PTPRN2: variants seen among roughly 807,000 people sequenced by gnomAD.
PTPRN2 encodes receptor-type tyrosine-protein phosphatase N2.
In PTPRN2, 74 loss-of-function variants were observed where a neutral mutation model predicts 118.8. That is an observed-to-expected ratio of 0.62 (90% CI 0.52 to 0.76). The LOEUF is 0.76. Ranked by LOEUF, PTPRN2 falls within the 30% of genes least tolerant of loss-of-function variation. The pLI, the probability that PTPRN2 is intolerant of heterozygous loss-of-function variation, is 0.00. For synonymous variants in PTPRN2, 641 were observed against 608.0 expected (o/e 1.05, Z -0.80); for missense variants, 1,481 against 1,394.4 (o/e 1.06, Z -0.99).
intron 11 of PTPRN2, among the ~76,000 whole-genome samples, chr7:158,019,114 C>T (rs1165632151): frequency 6.6e-6 from 1 of 152,220 alleles, no homozygotes; most frequent in Admixed American, 6.5e-5. Context: ...CTGGATCCCC[C>T]ACGGAAGCAC....
intron 12 of PTPRN2, among the ~76,000 whole-genome samples, chr7:157,742,124 A>G (rs1800668294): frequency 6.6e-6 from 1 of 152,200 alleles, no homozygotes; most frequent in Non-Finnish European, 1.5e-5. Flanking sequence ...GCTTACAACT[A>G]GGCTTTTTCC....
intron 11 of PTPRN2, among the ~76,000 whole-genome samples, chr7:158,065,301 A>G (rs1170215097): frequency 6.6e-6 from 1 of 152,250 alleles, no homozygotes; most frequent in African/African-American, 2.4e-5. Flanking sequence ...AGTTTTCTCA[A>G]TGAGTTTCTT....
intron 2 of PTPRN2, among the ~76,000 whole-genome samples, chr7:158,326,987 A>T (rs1301295415): frequency 3.3e-5 from 5 of 151,232 alleles, no homozygotes; most frequent in Non-Finnish European, 7.4e-5. Flanking sequence ...GCACATACAC[A>T]TTCTCAGATG....
chr7:157,577,974 C>G (rs1458400459), intron 18 of PTPRN2, 47 bp downstream of exon 18: 1 of 1,525,664 alleles, frequency 6.6e-7, no homozygotes, highest in Non-Finnish European at 8.9e-7. Flanking sequence ...AGGGCCCGTC[C>G]TCGTCCGGCT....
At chr7:157,566,993 A>AC (rs1307889594) in intron 21 of PTPRN2, among the ~76,000 whole-genome samples, 11 of 152,252 alleles carry the variant, frequency 7.2e-5, no homozygotes, top group Non-Finnish European at 1.5e-4. Flanking sequence ...TTGGTCAGAA[A>AC]CACTTACATC....
intron 11 of PTPRN2, among the ~76,000 whole-genome samples, chr7:158,049,234 C>G (rs1226030525): frequency 1.8e-5 from 2 of 111,316 alleles, no homozygotes; most frequent in Non-Finnish European, 3.9e-5. Flanking sequence ...ATCAGCATCT[C>G]CATCTGACTG....
chr7:157,577,048 C>T (rs1426569306), intron 18 of PTPRN2, among the ~76,000 whole-genome samples: 1 of 152,188 alleles, frequency 6.6e-6, no homozygotes, highest in African/African-American at 2.4e-5. Context: ...AGGTTACAAT[C>T]CAAAACTATC....
intron 1 of PTPRN2, among the ~76,000 whole-genome samples, chr7:158,586,266 G>A (rs970270787): frequency 2.0e-5 from 3 of 152,248 alleles, no homozygotes; most frequent in Non-Finnish European, 2.9e-5. Context: ...TGAGGGAGGG[G>A]AGCGTCAACT....
chr7:158,277,654 C>A (rs549850276), intron 3 of PTPRN2, among the ~76,000 whole-genome samples: 13 of 152,314 alleles, frequency 8.5e-5, no homozygotes, highest in Admixed American at 8.5e-4. Flanking sequence ...GGGGCTGGGA[C>A]ATATAGCTCT....
chr7:158,482,436 A>G (rs1820710340), intron 2 of PTPRN2, among the ~76,000 whole-genome samples: 1 of 152,248 alleles, frequency 6.6e-6, no homozygotes, highest in African/African-American at 2.4e-5. Flanking sequence ...GCCCTGATCA[A>G]TCAGCAGCCA....
At position 157,556,271 on chromosome 7, in the gene PTPRN2, T is replaced by C. The variant is rs547607867; in HGVS notation, c.2903-7252A>G. Among the ~76,000 whole-genome samples, 697 of 148,412 alleles carry C rather than the reference T, an allele frequency of 4.7e-3. 4 individuals carry two copies. Among genetic ancestry groups the C allele is most frequent in the Non-Finnish European group, 7.4e-3 (498 of 67,344 alleles). On this transcript the variant is annotated intron_variant, in intron 21 of 22. Transcript: ENST00000389418. ...CACTCACCCACACTCACATCATACA[T>C]ATGCACATGCACACACACAGAGGCA...
chr7:158,518,233 A>T lies in PTPRN2; in HGVS notation c.113-28448T>A, dbSNP rs187481186. Among the ~76,000 whole-genome samples, 604 of 152,282 alleles carry T rather than the reference A, an allele frequency of 4.0e-3. 5 individuals carry two copies. The highest frequency in any genetic ancestry group is 0.014 in the African/African-American group (579 of 41,560). On this transcript the variant is annotated intron_variant, in intron 1 of 22. Coordinates refer to ENST00000389418, the MANE Select transcript of PTPRN2 (RefSeq NM_002847.5). ...TACGGATTTCATGGGGTGGGAGGAT[A>T]TGAACATTAATAGAGACGATATGGA...
At chr7:157,575,850 C>T (rs750515007) in intron 19 of PTPRN2, among the ~76,000 whole-genome samples, 1 of 152,204 alleles carries the variant, frequency 6.6e-6, no homozygotes, top group African/African-American at 2.4e-5. Context: ...AAATGTAAGA[C>T]ATATTCTATA....
At chr7:157,688,819 C>T (rs1797322974) in intron 12 of PTPRN2, among the ~76,000 whole-genome samples, 2 of 152,342 alleles carry the variant, frequency 1.3e-5, no homozygotes, top group South Asian at 4.1e-4. Context: ...CGTCCCCTGC[C>T]TGGGCTTTCT....
At chr7:158,071,244 C>T (rs1349493694) in intron 11 of PTPRN2, among the ~76,000 whole-genome samples, 5 of 60,746 alleles carry the variant, frequency 8.2e-5, no homozygotes, top group Admixed American at 4.4e-4. Context: ...TGGAGGTGCT[C>T]GTAGTATGGA....
At chr7:157,844,155 A>G (rs1808633780) in intron 12 of PTPRN2, among the ~76,000 whole-genome samples, 1 of 152,188 alleles carries the variant, frequency 6.6e-6, no homozygotes, top group African/African-American at 2.4e-5. Context: ...TGTGGAACGC[A>G]GGCCTTTTGA....
intron 2 of PTPRN2, among the ~76,000 whole-genome samples, chr7:158,428,560 C>A (rs1209229073): frequency 1.3e-5 from 2 of 152,182 alleles, no homozygotes; most frequent in Non-Finnish European, 2.9e-5. Flanking sequence ...TAACACTATT[C>A]CACCGGAATT....
intron 22 of PTPRN2, 96 bp from the exon 23 acceptor site, chr7:157,540,881 C>G (rs1017939940): frequency 4.1e-5 from 41 of 1,002,880 alleles, no homozygotes; most frequent in Middle Eastern, 3.0e-4. Context: ...CGGCGTCCCC[C>G]CTTCCCAACG....
chr7:157,652,321 G>A (rs770768875), intron 14 of PTPRN2, among the ~76,000 whole-genome samples: 10 of 152,216 alleles, frequency 6.6e-5, no homozygotes, highest in Admixed American at 2.0e-4. Flanking sequence ...CGGCATCTCA[G>A]ATGCTCACCC....
Sources: allele counts gnomAD v4.1 joint callset (sites outside exome capture counted in the v4.1 genomes callset), GRCh38; gene constraint gnomAD v4.1.1; transcripts MANE v1.5; gene names NCBI Gene and HGNC (gene_info 2026-07-23, HGNC 2026-07-21).